The following PGBD5 variants were observed in gnomAD, a reference collection of about 807,000 sequenced individuals.
The protein encoded by PGBD5 is piggyBac transposable element derived 5, also known as piggyBac transposable element-derived protein 5.
Under a neutral mutation model 47.9 loss-of-function variants are expected in PGBD5, and 14 were observed. The observed-to-expected ratio is 0.29, with a 90% confidence interval of 0.19 to 0.46. The LOEUF (loss-of-function observed/expected upper bound fraction) is 0.46, where lower values mean the gene tolerates loss of function less well. PGBD5 is among the 20% of genes least tolerant of loss of function. PGBD5 has a pLI of 1.00. For synonymous variants in PGBD5, 316 were observed against 306.3 expected (o/e 1.03, Z -0.33); for missense variants, 635 against 716.0 (o/e 0.89, Z 1.29).
chr1:230,324,994 G>A (rs1401911658), intron 6 of PGBD5, among the ~76,000 whole-genome samples: 1 of 152,176 alleles, frequency 6.6e-6, no homozygotes, highest in Admixed American at 6.5e-5. Context: ...CGATGCCAAC[G>A]GCTGGAGTTT....
At chr1:230,367,743 G>T (rs576030835) in intron 1 of PGBD5, among the ~76,000 whole-genome samples, 4 of 152,170 alleles carry the variant, frequency 2.6e-5, no homozygotes. Context: ...TAGGCTTCAA[G>T]AATTATACTC....
chr1:230,393,763 T>C (rs748865660), intron 1 of PGBD5, among the ~76,000 whole-genome samples: 4 of 145,144 alleles, frequency 2.8e-5, no homozygotes, highest in Non-Finnish European at 5.9e-5. Context: ...AAGCGGAGCT[T>C]GCAGTGAGCG....
intron 1 of PGBD5, chr1:230,377,614 T>A (rs1290413125): frequency 6.5e-7 from 1 of 1,541,774 alleles, no homozygotes; most frequent in East Asian, 2.4e-5. Flanking sequence ...AGTTCTGTAG[T>A]CAGGCATATC....
At chr1:230,375,762 C>T (rs1016092439) in intron 1 of PGBD5, among the ~76,000 whole-genome samples, 1 of 150,960 alleles carries the variant, frequency 6.6e-6, no homozygotes, top group Non-Finnish European at 1.5e-5. Context: ...TCTTCCATCC[C>T]CTAGACACGT....
chr1:230,397,844 G>C (rs57037382), intron 1 of PGBD5, among the ~76,000 whole-genome samples: 6,115 of 152,302 alleles, frequency 0.04, 208 homozygotes, highest in East Asian at 0.12. Context: ...ACAGGATGCT[G>C]CCGGGAAGAA....
chr1:230,390,286 A>T (rs1337416912), intron 1 of PGBD5, among the ~76,000 whole-genome samples: 1 of 151,968 alleles, frequency 6.6e-6, no homozygotes, highest in Non-Finnish European at 1.5e-5. Flanking sequence ...TCTCTCACCC[A>T]CCCATGCCTT....
At chr1:230,412,609 C>A (rs965057126) in intron 1 of PGBD5, among the ~76,000 whole-genome samples, 1 of 152,028 alleles carries the variant, frequency 6.6e-6, no homozygotes, top group Non-Finnish European at 1.5e-5. Flanking sequence ...AGGATGGTCT[C>A]AATCTCCTGA....
chr1:230,359,139 G>A lies in PGBD5; in HGVS notation c.332-1818C>T, dbSNP rs536423387. ...TGCACTGGTGCAATCTCAGCTCACT[G>A]AAACCTCCACCTCCCAGGTTCAAGC... On this transcript the variant is annotated intron_variant, in intron 1 of 6. Coordinates refer to ENST00000391860, the MANE Select transcript of PGBD5 (RefSeq NM_001258311.2). Among the ~76,000 whole-genome samples, 5 of 151,916 alleles carry A rather than the reference G, an allele frequency of 3.3e-5. No individual in the cohort carries two copies. In the South Asian group the frequency reaches 1.0e-3, roughly 32 times the overall value.
intron 1 of PGBD5, among the ~76,000 whole-genome samples, chr1:230,381,162 G>A (rs1367001044): frequency 6.6e-6 from 1 of 152,226 alleles, no homozygotes; most frequent in Non-Finnish European, 1.5e-5. Flanking sequence ...GCCAAACAAG[G>A]TTGCGAAATT....
intron 1 of PGBD5, among the ~76,000 whole-genome samples, chr1:230,378,059 C>A (rs1359114597): frequency 6.6e-6 from 1 of 152,230 alleles, no homozygotes; most frequent in Non-Finnish European, 1.5e-5. Flanking sequence ...GTGAGCATGT[C>A]ACACGTTAGC....
chr1:230,354,042 G>C (rs1258778971), intron 2 of PGBD5, among the ~76,000 whole-genome samples: 1 of 152,236 alleles, frequency 6.6e-6, no homozygotes, highest in East Asian at 1.9e-4. Flanking sequence ...CAACTGGAAA[G>C]CCCGGGGCAT....
At chr1:230,380,819 C>G (rs768424741) in intron 1 of PGBD5, among the ~76,000 whole-genome samples, 5 of 152,172 alleles carry the variant, frequency 3.3e-5, no homozygotes, top group Non-Finnish European at 7.3e-5. Context: ...CCAAAAGGCT[C>G]AACAGTCAAG....
intron 1 of PGBD5, among the ~76,000 whole-genome samples, chr1:230,418,449 G>A (rs898988511): frequency 6.6e-6 from 1 of 152,182 alleles, no homozygotes; most frequent in African/African-American, 2.4e-5. Flanking sequence ...TGGGGACAGG[G>A]AGGTACTGAT....
intron 1 of PGBD5, among the ~76,000 whole-genome samples, chr1:230,396,530 C>T (rs1296053645): frequency 6.8e-6 from 1 of 146,904 alleles, no homozygotes; most frequent in Non-Finnish European, 1.5e-5. Context: ...CTCCTTCCAG[C>T]CCCCTTGACA....
chr1:230,393,948 C>A (rs1026318604), intron 1 of PGBD5, among the ~76,000 whole-genome samples: 1 of 152,110 alleles, frequency 6.6e-6, no homozygotes, highest in Non-Finnish European at 1.5e-5. Context: ...ACACCTGCCC[C>A]GGCCTGGCAT....
At chr1:230,352,594 C>T (rs1383551163) in intron 2 of PGBD5, among the ~76,000 whole-genome samples, 2 of 152,106 alleles carry the variant, frequency 1.3e-5, no homozygotes, top group African/African-American at 2.4e-5. Context: ...ATATCTGCCT[C>T]CTCAGTTTTT....
intron 1 of PGBD5, among the ~76,000 whole-genome samples, chr1:230,387,134 C>CGA (rs1656660898): frequency 6.6e-6 from 1 of 152,094 alleles, no homozygotes; most frequent in Non-Finnish European, 1.5e-5. Flanking sequence ...ACCTTATTGT[C>CGA]TAGCAGATAG....
rs1393394159 is a variant in PGBD5 at position 230,425,933 on chromosome 1, C to A, written c.-5G>T. 2.1e-6 allele frequency: 2 copies of A among 955,492 alleles called. No individual in the cohort carries two copies. The highest frequency in any genetic ancestry group is 1.2e-4 in the East Asian group (1 of 8,408). 59.2% of individuals were successfully genotyped at this position (955,492 alleles called of 1,614,324 possible). A position where few individuals can be genotyped will look rare whatever the true frequency, so the allele number is the denominator to read the frequency against. On this transcript the variant is annotated 5_prime_UTR_variant, in exon 1 of 7. Coordinates refer to ENST00000391860, the MANE Select transcript of PGBD5 (RefSeq NM_001258311.2). This position sits in a 1 kb window ranked among gnomAD's most constrained non-coding sequence, Gnocchi z 4.7. Reference sequence around the variant, plus strand: ...GCCCCCGCCGCCCTCGGCCATGGCCCCGGCCGCCGCCCGCGCGCCCGCCCC... The same window carrying A: ...GCCCCCGCCGCCCTCGGCCATGGCCACGGCCGCCGCCCGCGCGCCCGCCCC...
At chr1:230,403,584 G>T (rs1370437534) in intron 1 of PGBD5, among the ~76,000 whole-genome samples, 1 of 152,244 alleles carries the variant, frequency 6.6e-6, no homozygotes, top group Non-Finnish European at 1.5e-5. Flanking sequence ...GCGGGCCCTG[G>T]AGGAAAACCA....
Sources: gnomAD v4.1 joint callset for allele counts (sites outside exome capture counted in the v4.1 genomes callset) on GRCh38, gnomAD v4.1.1 for gene constraint, Gnocchi (gnomAD v3.1) non-coding constraint, MANE v1.5 for transcripts, NCBI Gene and HGNC (gene_info 2026-07-23, HGNC 2026-07-21) for gene names.